PIK3AP1: variants seen among roughly 807,000 people sequenced by gnomAD.
PIK3AP1 encodes the protein phosphoinositide-3-kinase adaptor protein 1.
PIK3AP1 carries 21 observed loss-of-function variants against 88.1 expected under a neutral mutation model. The observed-to-expected ratio is 0.24, with a 90% confidence interval of 0.17 to 0.34. The LOEUF is 0.34. Among genes scored for constraint, PIK3AP1 ranks in the 10% least tolerant of loss-of-function variants. PIK3AP1 has a pLI of 1.00. For missense variants in PIK3AP1, 828 were observed against 1,035.7 expected (o/e 0.80, Z 2.75); for synonymous variants, 398 against 400.0 (o/e 1.00, Z 0.06).
At chr10:96,641,114 TGTGTGTGTGTGC>T (rs1193790480) in intron 8 of PIK3AP1, among the ~76,000 whole-genome samples, 43 of 122,624 alleles carry the variant, frequency 3.5e-4, no homozygotes, top group African/African-American at 1.0e-3. Context: ...TGTGTGTGTG[TGTGTGTGTGTGC>T]GTGTGCATGT....
At position 96,623,517 on chromosome 10, in the gene PIK3AP1, C is replaced by T. The variant is rs1274478777; in HGVS notation, c.1690G>A (p.Glu564Lys). ...GAAACGTAGAAATTCCCAGGCCGCT[C>T]TTGACTTTTTTCTGCAAAAACTATG... ...IFKVFAEKSQ[E>K]RPGNFYVSSE... Residue 564 changes from glutamate (E) to lysine (K), a missense_variant, in exon 11 of 17, where the codon GAG becomes AAG. Transcript: ENST00000339364. 1.9e-6 allele frequency: 3 copies of T among 1,611,180 alleles called. No homozygotes were observed. The highest frequency in any genetic ancestry group is 1.3e-5 in the African/African-American group (1 of 74,856).
Position 96,700,401 on chromosome 10 carries a change from AC to A in PIK3AP1, c.430+9165del, listed in dbSNP as rs374855563. Among the ~76,000 whole-genome samples, 409 of 152,262 alleles carry A rather than the reference AC, an allele frequency of 2.7e-3. 3 individuals are homozygous for A. In the South Asian group the frequency reaches 0.032, roughly 12 times the overall value. ...ACTATTCCAGGAGCAGCAGGCAGTG[AC>A]CCACAGTTAGGAGTGTGAACAACCC... On this transcript the variant is annotated intron_variant, in intron 2 of 16. Transcript: ENST00000339364.
chr10:96,645,143 A>T (rs1253228723), intron 8 of PIK3AP1, among the ~76,000 whole-genome samples: 1 of 152,226 alleles, frequency 6.6e-6, no homozygotes, highest in Non-Finnish European at 1.5e-5. Context: ...ATGTCAGAGT[A>T]GGAAAATGTT....
intron 16 of PIK3AP1, among the ~76,000 whole-genome samples, chr10:96,597,324 T>G (rs1848783567): frequency 8.0e-6 from 1 of 124,286 alleles, no homozygotes; most frequent in African/African-American, 3.3e-5. Flanking sequence ...CCTTCCTTCC[T>G]TCCTTCTTTC....
intron 16 of PIK3AP1, 81 bp downstream of exon 16, chr10:96,602,199 G>A: frequency 8.4e-7 from 1 of 1,186,052 alleles, no homozygotes; most frequent in Non-Finnish European, 1.2e-6. Flanking sequence ...TTATTCTTTA[G>A]TCATCTTAGG....
In PIK3AP1 at chr10:96,626,910, A is replaced by C. The variant is rs771479008; in HGVS notation, c.1472-5T>G. The stretch of plus-strand genomic sequence containing the variant: ...TGGTCATTCCCATGCTGTTGCCTAG[A>C]AACGCAGAGAAAGGTGACTGAAAGC... On this transcript the variant is annotated splice_region_variant and splice_polypyrimidine_tract_variant and intron_variant, in intron 9 of 16. Coordinates refer to ENST00000339364, the MANE Select transcript of PIK3AP1 (RefSeq NM_152309.3). 1.2e-6 allele frequency: 2 copies of C among 1,611,724 alleles called. No individual in the cohort carries two copies. The highest frequency in any genetic ancestry group is 2.2e-5 in the South Asian group (2 of 91,000).
At chr10:96,715,612 T>C (rs897832772) in intron 1 of PIK3AP1, among the ~76,000 whole-genome samples, 2 of 152,184 alleles carry the variant, frequency 1.3e-5, no homozygotes, top group African/African-American at 4.8e-5. Context: ...TCATTGAGGC[T>C]GGGCGCGGTG....
chr10:96,636,470 C>T (rs12243605), intron 8 of PIK3AP1, among the ~76,000 whole-genome samples: 40,260 of 151,996 alleles, frequency 0.26, 5,671 homozygotes, highest in East Asian at 0.42. Flanking sequence ...CACATGTACA[C>T]ATAACCCGGG....
intron 8 of PIK3AP1, among the ~76,000 whole-genome samples, chr10:96,641,054 A>T (rs978513411): frequency 6.6e-6 from 1 of 151,550 alleles, no homozygotes; most frequent in African/African-American, 2.4e-5. Context: ...ACCTGGTGGC[A>T]GCATATCTAA....
chr10:96,703,247 A>T (rs1271462893), intron 2 of PIK3AP1, among the ~76,000 whole-genome samples: 1 of 152,192 alleles, frequency 6.6e-6, no homozygotes. Context: ...GGCAGGCCAG[A>T]TGTAGATATA....
chr10:96,622,909 G>A (rs1483374307), intron 11 of PIK3AP1, among the ~76,000 whole-genome samples: 1 of 152,190 alleles, frequency 6.6e-6, no homozygotes, highest in Non-Finnish European at 1.5e-5. Flanking sequence ...TTGAATCAAA[G>A]TATAGTTTAG....
chr10:96,667,617 C>A lies in PIK3AP1; in HGVS notation c.431-10683G>T, dbSNP rs1282910939. ...CATCCATCTGCCAGGGTTTCCCATA[C>A]CATGAGCCATGCACCCTGGTGAGAC... On this transcript the variant is annotated intron_variant, in intron 2 of 16. Coordinates refer to ENST00000339364, the MANE Select transcript of PIK3AP1 (RefSeq NM_152309.3). Among the ~76,000 whole-genome samples, 3 of 152,092 alleles carry A rather than the reference C, an allele frequency of 2.0e-5. No homozygotes were observed. In the East Asian group the frequency reaches 5.8e-4, roughly 29 times the overall value.
chr10:96,610,983 T>C (rs1053793665), intron 13 of PIK3AP1, among the ~76,000 whole-genome samples: 1 of 152,074 alleles, frequency 6.6e-6, no homozygotes, highest in Non-Finnish European at 1.5e-5. Flanking sequence ...TACCACTTCC[T>C]CCTCCACCTC....
intron 2 of PIK3AP1, among the ~76,000 whole-genome samples, chr10:96,703,419 T>C (rs528601605): frequency 5.3e-5 from 8 of 152,284 alleles, no homozygotes; most frequent in African/African-American, 1.9e-4. Flanking sequence ...TCCACTGTAA[T>C]ACTATTAATA....
At chr10:96,656,687 C>A (rs1194014476) in intron 3 of PIK3AP1, 111 bp downstream of exon 3, 3 of 1,438,268 alleles carry the variant, frequency 2.1e-6, no homozygotes, top group Admixed American at 3.9e-5. Flanking sequence ...AGGAAGGCTG[C>A]AATTATACTG....
At position 96,656,861 on chromosome 10, in the gene PIK3AP1, G is replaced by T. The variant is rs143102361; in HGVS notation, c.504C>A (p.Asn168Lys). 2.5e-6 allele frequency: 4 copies of T among 1,614,142 alleles called. No homozygotes were observed. Among genetic ancestry groups the T allele is most frequent in the Non-Finnish European group, 3.4e-6 (4 of 1,180,036 alleles). ...TCCCAGGTGAAGTCACCGTCGGCAGGTTCTGCTGCTTCGAGTAGGAAACAA... is the reference window on the plus strand; with the variant it reads ...TCCCAGGTGAAGTCACCGTCGGCAGTTTCTGCTGCTTCGAGTAGGAAACAA... ...EKVVSYSKQQ[N>K]LPTVTSPGNL... Residue 168 changes from asparagine (N) to lysine (K), a missense_variant, in exon 3 of 17, where the codon AAC becomes AAA. Physicochemically the swap from Asn to Lys is moderately conservative, Grantham distance 94. Coordinates refer to ENST00000339364, the MANE Select transcript of PIK3AP1 (RefSeq NM_152309.3).
chr10:96,616,916 C>A (rs1451051888), intron 12 of PIK3AP1, among the ~76,000 whole-genome samples: 1 of 152,190 alleles, frequency 6.6e-6, no homozygotes, highest in African/African-American at 2.4e-5. Context: ...GAGAAGACAT[C>A]TCTTCCACAA....
At chr10:96,651,845 G>A (rs577984401) in intron 4 of PIK3AP1, among the ~76,000 whole-genome samples, 194 bp from the exon 5 acceptor site, 1 of 152,130 alleles carries the variant, frequency 6.6e-6, no homozygotes, top group East Asian at 1.9e-4. Flanking sequence ...GCACATGGCA[G>A]GGCTCTGGGC....
chr10:96,598,044 G>GTT (rs34971365), intron 16 of PIK3AP1, among the ~76,000 whole-genome samples: 1,911 of 115,872 alleles, frequency 0.016, 42 homozygotes, highest in African/African-American at 0.042. Context: ...TTTTTTTGTT[G>GTT]TTTTTTTTTT....
Sources: gnomAD v4.1 joint callset for allele counts (sites outside exome capture counted in the v4.1 genomes callset) on GRCh38, gnomAD v4.1.1 for gene constraint, MANE v1.5 for transcripts, NCBI Gene and HGNC (gene_info 2026-07-23, HGNC 2026-07-21) for gene names.